The following PPP1R21 variants were observed in gnomAD, a reference collection of about 807,000 sequenced individuals.
PPP1R21 encodes protein phosphatase 1 regulatory subunit 21.
A neutral mutation model predicts 112.8 loss-of-function variants in PPP1R21; 85 were observed. That is an observed-to-expected ratio of 0.75 (90% CI 0.63 to 0.90). The LOEUF (loss-of-function observed/expected upper bound fraction) is 0.90, where lower values mean the gene tolerates loss of function less well. Ranked by LOEUF, PPP1R21 falls within the 40% of genes least tolerant of loss-of-function variation. PPP1R21 has a pLI of 0.00. For synonymous variants in PPP1R21, 381 were observed against 322.3 expected (o/e 1.18, Z -1.95); for missense variants, 1,199 against 901.5 (o/e 1.33, Z -4.23).
chr2:48,474,104 C>G (rs969423305), intron 11 of PPP1R21, among the ~76,000 whole-genome samples: 1 of 152,044 alleles, frequency 6.6e-6, no homozygotes, highest in Non-Finnish European at 1.5e-5. Context: ...AAAATATGGC[C>G]GGGCGTGGTG....
At chr2:48,458,927 G>GT (rs1667848274) in intron 4 of PPP1R21, among the ~76,000 whole-genome samples, 1 of 151,624 alleles carries the variant, frequency 6.6e-6, no homozygotes, top group Admixed American at 6.6e-5. Flanking sequence ...CCCTTCTCTA[G>GT]TAAAAATACA....
At chr2:48,507,749 C>CTTTTT (rs34546075) in intron 19 of PPP1R21, among the ~76,000 whole-genome samples, 641 of 42,388 alleles carry the variant, frequency 0.015, 133 homozygotes, top group African/African-American at 0.022. Context: ...GAGGCTCTGC[C>CTTTTT]TTTTTTTTTT....
At chr2:48,511,319 G>A (rs1670629079) in intron 20 of PPP1R21, 21 bp from the exon 21 acceptor site, 1 of 1,601,392 alleles carries the variant, frequency 6.2e-7, no homozygotes, top group East Asian at 2.2e-5. Context: ...GTTGATTTTT[G>A]TCTTTTTCTT....
At chr2:48,497,902 C>T (rs1316030243) in intron 16 of PPP1R21, among the ~76,000 whole-genome samples, 3 of 152,152 alleles carry the variant, frequency 2.0e-5, no homozygotes, top group Admixed American at 6.5e-5. Flanking sequence ...CAGCCCGCCT[C>T]GGCCTCCTAA....
At chr2:48,496,908 C>T (rs1477871870) in intron 16 of PPP1R21, among the ~76,000 whole-genome samples, 1 of 152,224 alleles carries the variant, frequency 6.6e-6, no homozygotes, top group Non-Finnish European at 1.5e-5. Context: ...TGGAGGGTGG[C>T]ATGCCCAGGG....
chr2:48,455,803 A>G (rs1380095448), intron 3 of PPP1R21, among the ~76,000 whole-genome samples: 1 of 152,032 alleles, frequency 6.6e-6, no homozygotes, highest in East Asian at 1.9e-4. Flanking sequence ...TCACGAGGTC[A>G]GGAGATTGAG....
chr2:48,451,173 G>T lies in PPP1R21; in HGVS notation c.126+97G>T. On this transcript the variant is annotated intron_variant, in intron 2 of 21. Coordinates refer to ENST00000294952, the MANE Select transcript of PPP1R21 (RefSeq NM_001135629.3). ...TTTTCTGGGTTAAAGTTCCAACTCT[G>T]ACACTGATTCACTAGGGATAGGGGA... 4.4e-6 allele frequency: 4 copies of T among 911,980 alleles called. No individual in the cohort carries two copies. The South Asian group carries it at 5.3e-5, about 12-fold the overall frequency. The allele number at this position is 911,980 out of a possible 1,614,324, so 56.5% of individuals were successfully genotyped here.
At position 48,486,502 on chromosome 2, in the gene PPP1R21, C is replaced by A. The variant is rs1572873808; in HGVS notation, c.1319-129C>A. The A allele has an allele frequency of 1.6e-5, 11 of 690,640 alleles. No individual in the cohort carries two copies. In the East Asian group the frequency reaches 3.0e-4, roughly 19 times the overall value. 42.8% of individuals were successfully genotyped at this position (690,640 alleles called of 1,614,324 possible). A position where few individuals can be genotyped will look rare whatever the true frequency, so the allele number is the denominator to read the frequency against. ...ATTGATACTCAGTGCAATCCTGACA[C>A]TTGAGACCATTCTTTGTCAAATTTA... On this transcript the variant is annotated intron_variant, in intron 13 of 21. Coordinates refer to ENST00000294952, the MANE Select transcript of PPP1R21 (RefSeq NM_001135629.3).
chr2:48,476,337 C>T (rs1668754779), intron 12 of PPP1R21, among the ~76,000 whole-genome samples: 1 of 152,188 alleles, frequency 6.6e-6, no homozygotes, highest in African/African-American at 2.4e-5. Context: ...TCACATTTTA[C>T]TTACCCGTTT....
intron 17 of PPP1R21, among the ~76,000 whole-genome samples, chr2:48,503,426 A>C (rs1295869929): frequency 6.6e-6 from 1 of 152,232 alleles, no homozygotes; most frequent in Non-Finnish European, 1.5e-5. Flanking sequence ...TATTGGTTAT[A>C]ACTTATGCTA....
chr2:48,454,572 A>C (rs1282726293), intron 2 of PPP1R21, 23 bp from the exon 3 acceptor site: 1 of 1,613,790 alleles, frequency 6.2e-7, no homozygotes, highest in Non-Finnish European at 8.5e-7. Flanking sequence ...TGTGAGGACC[A>C]ATCTGTTTTC....
chr2:48,495,472 G>T (rs1159246084), intron 15 of PPP1R21, among the ~76,000 whole-genome samples: 1 of 152,144 alleles, frequency 6.6e-6, no homozygotes, highest in East Asian at 1.9e-4. Flanking sequence ...AAAGTGCTGG[G>T]ATTATAGGTG....
At chr2:48,496,289 A>G (rs976722968) in intron 16 of PPP1R21, among the ~76,000 whole-genome samples, 5 of 152,074 alleles carry the variant, frequency 3.3e-5, no homozygotes, top group African/African-American at 4.8e-5. Context: ...CAGTAAATGG[A>G]ATCTCTCTCT....
intron 15 of PPP1R21, 66 bp from the exon 16 acceptor site, chr2:48,495,613 A>C: frequency 2.4e-6 from 2 of 832,166 alleles, no homozygotes; most frequent in South Asian, 1.4e-5. Context: ...TTCTTTGTGT[A>C]TGTTGGATGC....
At chr2:48,482,339 T>G (rs1250070128) in intron 13 of PPP1R21, among the ~76,000 whole-genome samples, 1 of 152,176 alleles carries the variant, frequency 6.6e-6, no homozygotes, top group African/African-American at 2.4e-5. Context: ...TTGGGGTATC[T>G]TATAGACAGA....
At chr2:48,442,810 A>C (rs1158735482) in intron 1 of PPP1R21, among the ~76,000 whole-genome samples, 1 of 152,104 alleles carries the variant, frequency 6.6e-6, no homozygotes, top group Non-Finnish European at 1.5e-5. Flanking sequence ...ATGAGGTAGG[A>C]GAGATAATTT....
In PPP1R21 at chr2:48,515,238, C is replaced by CTCTCTCTCTCTCTCTCTG. The variant is rs1558540739; in HGVS notation, c.*503_*504insCTCTCTCTGTCTCTCTCT. The CTCTCTCTCTCTCTCTCTG allele has an allele frequency of 6.5e-6, 1 of 153,450 alleles. No individual in the cohort carries two copies. Among genetic ancestry groups the CTCTCTCTCTCTCTCTCTG allele is most frequent in the African/African-American group, 2.4e-5 (1 of 41,344 alleles). The allele number at this position is 153,450 out of a possible 1,614,324, so 9.5% of individuals were successfully genotyped here. On this transcript the variant is annotated 3_prime_UTR_variant, in exon 22 of 22. Transcript: ENST00000294952. ...TATTTCTCTCTCTCTCTCTCTCTCT[C>CTCTCTCTCTCTCTCTCTG]TCTCTCTCTTCTTTCTCTCTGAGGG...
At chr2:48,480,785 C>G (rs1388217769) in intron 13 of PPP1R21, among the ~76,000 whole-genome samples, 1 of 152,094 alleles carries the variant, frequency 6.6e-6, no homozygotes, top group Non-Finnish European at 1.5e-5. Flanking sequence ...TTTTAGTTAA[C>G]AATTAGTGAC....
chr2:48,458,271 T>G, intron 4 of PPP1R21, 44 bp downstream of exon 4: 1 of 1,324,988 alleles, frequency 7.5e-7, no homozygotes, highest in Non-Finnish European at 1.1e-6. Flanking sequence ...AATGGGTCTG[T>G]GATCTGTTAA....
Sources: allele counts gnomAD v4.1 joint callset (sites outside exome capture counted in the v4.1 genomes callset), GRCh38; gene constraint gnomAD v4.1.1; transcripts MANE v1.5; gene names NCBI Gene and HGNC (gene_info 2026-07-23, HGNC 2026-07-21).